The following SLC25A48 variants were observed in gnomAD, a reference collection of about 807,000 sequenced individuals.
The protein encoded by SLC25A48 is solute carrier family 25 member 48, also known as CTC-321K16.1.
SLC25A48 carries 29 observed loss-of-function variants against 32.2 expected under a neutral mutation model. The ratio of observed to expected loss-of-function variants is 0.90; its 90% confidence interval spans 0.67 to 1.23. The LOEUF is 1.23. Among genes scored for constraint, SLC25A48 ranks in the 50% most tolerant of loss-of-function variants. SLC25A48 has a pLI of 0.00. For synonymous variants in SLC25A48, 164 were observed against 172.3 expected (o/e 0.95, Z 0.38); for missense variants, 399 against 422.7 (o/e 0.94, Z 0.49).
At chr5:135,791,909 T>C (rs1757039930) in intron 3 of SLC25A48, among the ~76,000 whole-genome samples, 1 of 151,746 alleles carries the variant, frequency 6.6e-6, no homozygotes, top group Non-Finnish European at 1.5e-5. Context: ...TGTGATAATA[T>C]ATGTAATATC....
At chr5:135,714,973 C>T (rs1303653202) in intron 3 of SLC25A48, among the ~76,000 whole-genome samples, 2 of 152,094 alleles carry the variant, frequency 1.3e-5, no homozygotes, top group Admixed American at 6.5e-5. Flanking sequence ...ACTGCTGAGT[C>T]GGAGCTTCAC....
chr5:135,756,941 A>G, intron 3 of SLC25A48, among the ~76,000 whole-genome samples: 1 of 151,190 alleles, frequency 6.6e-6, no homozygotes. Context: ...CATCTAGATG[A>G]TATTTATAAT....
intron 1 of SLC25A48, among the ~76,000 whole-genome samples, chr5:135,627,243 G>A (rs1752459381): frequency 6.6e-6 from 1 of 152,120 alleles, no homozygotes; most frequent in African/African-American, 2.4e-5. Context: ...GCCAATAGGA[G>A]GCACCAATGG....
chr5:135,838,666 C>G (rs1322277135), intron 1 of SLC25A48, among the ~76,000 whole-genome samples: 1 of 152,244 alleles, frequency 6.6e-6, no homozygotes, highest in Admixed American at 6.5e-5. Context: ...TGAAAGGGGC[C>G]AAGGTACAGC....
At chr5:135,595,647 C>T (rs1751632406) in intron 1 of SLC25A48, among the ~76,000 whole-genome samples, 1 of 152,226 alleles carries the variant, frequency 6.6e-6, no homozygotes, top group Admixed American at 6.5e-5. Context: ...TGGGCTTGCG[C>T]ATACATGCTA....
chr5:135,624,255 C>A (rs926916515), intron 1 of SLC25A48, among the ~76,000 whole-genome samples: 2 of 152,114 alleles, frequency 1.3e-5, no homozygotes, highest in Non-Finnish European at 2.9e-5. Context: ...TTGACATTTC[C>A]GTCCCAGAGC....
chr5:135,619,578 G>A (rs1295936114), intron 1 of SLC25A48, among the ~76,000 whole-genome samples: 1 of 152,080 alleles, frequency 6.6e-6, no homozygotes. Flanking sequence ...GTGCCCTTAT[G>A]TTGATATCTG....
chr5:135,666,386 A>G (rs950244889), intron 3 of SLC25A48, among the ~76,000 whole-genome samples: 1 of 152,174 alleles, frequency 6.6e-6, no homozygotes, highest in African/African-American at 2.4e-5. Flanking sequence ...TACCCCGGGG[A>G]TCTGCTGTCT....
intron 3 of SLC25A48, among the ~76,000 whole-genome samples, chr5:135,792,359 C>T (rs1053425753): frequency 6.6e-6 from 1 of 151,396 alleles, no homozygotes; most frequent in Non-Finnish European, 1.5e-5. Context: ...GGTTGTACGC[C>T]ATGTGTGTAC....
intron 3 of SLC25A48, among the ~76,000 whole-genome samples, chr5:135,670,093 C>A (rs1393304499): frequency 6.6e-6 from 1 of 152,082 alleles, no homozygotes; most frequent in Non-Finnish European, 1.5e-5. Flanking sequence ...GTTGTAGAAG[C>A]CTTTGTAGAT....
chr5:135,669,119 GTCATGTT>G (rs1293669545), intron 3 of SLC25A48, among the ~76,000 whole-genome samples: 3 of 152,180 alleles, frequency 2.0e-5, no homozygotes, highest in African/African-American at 7.2e-5. Flanking sequence ...CAATGCACTT[GTCATGTT>G]TTATCTTTTA....
At chr5:135,887,802 C>T (rs554179896) in intron 7 of SLC25A48, among the ~76,000 whole-genome samples, 6 of 152,134 alleles carry the variant, frequency 3.9e-5, no homozygotes, top group Admixed American at 3.9e-4. Context: ...CAGCAGTGCC[C>T]CCTGTGCTCT....
At chr5:135,887,540 A>G (rs1429759110) in intron 7 of SLC25A48, among the ~76,000 whole-genome samples, 1 of 152,252 alleles carries the variant, frequency 6.6e-6, no homozygotes. Flanking sequence ...GATACCCTGC[A>G]GAACCACCAC....
chr5:135,883,271 G>A, intron 7 of SLC25A48: 1 of 985,434 alleles, frequency 1.0e-6, no homozygotes, highest in South Asian at 4.7e-5. Context: ...ACTGACCATT[G>A]GTCAACTGAT....
At chr5:135,830,810 G>C (rs1758184670), upstream of SLC25A48, among the ~76,000 whole-genome samples, 1 of 152,160 alleles carries the variant, frequency 6.6e-6, no homozygotes, top group South Asian at 2.1e-4. Context: ...TCGGTCCTGA[G>C]TAATTGCTGT....
At chr5:135,820,280 T>C (rs1196760550) in intron 4 of SLC25A48, among the ~76,000 whole-genome samples, 1 of 152,216 alleles carries the variant, frequency 6.6e-6, no homozygotes, top group East Asian at 1.9e-4. Flanking sequence ...AACATAGTGC[T>C]GAATATTAGA....
At chr5:135,627,295 C>T (rs1752460302) in intron 1 of SLC25A48, among the ~76,000 whole-genome samples, 1 of 152,114 alleles carries the variant, frequency 6.6e-6, no homozygotes, top group Non-Finnish European at 1.5e-5. Context: ...GGGTATTTCT[C>T]CTCATGTCTG....
chr5:135,716,660 A>G (rs1053338514), intron 3 of SLC25A48, among the ~76,000 whole-genome samples: 3 of 152,236 alleles, frequency 2.0e-5, no homozygotes, highest in African/African-American at 4.8e-5. Flanking sequence ...CTCTTGTCCA[A>G]CAAGGAGTCT....
intron 3 of SLC25A48, among the ~76,000 whole-genome samples, chr5:135,691,940 G>T (rs1419423046): frequency 6.6e-6 from 1 of 152,166 alleles, no homozygotes; most frequent in Non-Finnish European, 1.5e-5. Context: ...CCCTGCAGCA[G>T]CCCAGAAACA....
Sources: allele counts gnomAD v4.1 joint callset (sites outside exome capture counted in the v4.1 genomes callset), GRCh38; gene constraint gnomAD v4.1.1; transcripts MANE v1.5; gene names NCBI Gene and HGNC (gene_info 2026-07-23, HGNC 2026-07-21).